FMN1: variants seen among roughly 807,000 people sequenced by gnomAD.
FMN1 encodes the protein formin-1.
Under a neutral mutation model 132.4 loss-of-function variants are expected in FMN1, and 110 were observed. That is an observed-to-expected ratio of 0.83 (90% confidence interval 0.71 to 0.97). The LOEUF is 0.97. Ranked by LOEUF, FMN1 falls within the 50% of genes least tolerant of loss-of-function variation. The probability of loss-of-function intolerance (pLI) is 0.00; values close to 1 mark genes in which losing one functional copy is unlikely to be tolerated. For synonymous variants in FMN1, 722 were observed against 651.7 expected, an observed-to-expected ratio of 1.11 and a Z score of -1.64; for missense variants, 1,792 against 1,705.3, an observed-to-expected ratio of 1.05 and a Z score of -0.90.
chr15:33,150,359 C>T, intron 4 of FMN1: 2 of 985,424 alleles, frequency 2.0e-6, no homozygotes, highest in Non-Finnish European at 2.4e-6. Flanking sequence ...AAATAAAATA[C>T]TATAAAACCA....
intron 7 of FMN1, among the ~76,000 whole-genome samples, chr15:32,995,259 G>GTATGAAATTGCCACAATA (rs2033695584): frequency 6.6e-6 from 1 of 152,128 alleles, no homozygotes; most frequent in African/African-American, 2.4e-5. Context: ...CCAAGATAGT[G>GTATGAAATTGCCACAATA]TATGAAATTG....
chr15:32,936,670 G>A (rs1027242890), intron 9 of FMN1, among the ~76,000 whole-genome samples: 6 of 151,668 alleles, frequency 4.0e-5, no homozygotes, highest in Non-Finnish European at 5.9e-5. Flanking sequence ...AAGAGGAGAA[G>A]GAGGAGGAGA....
chr15:32,986,413 A>C (rs1358885305), intron 7 of FMN1, among the ~76,000 whole-genome samples: 1 of 152,150 alleles, frequency 6.6e-6, no homozygotes, highest in South Asian at 2.1e-4. Context: ...TCATTTTTAC[A>C]AATAGTTTTG....
intron 16 of FMN1, among the ~76,000 whole-genome samples, chr15:32,887,966 T>C (rs1567329981): frequency 6.6e-6 from 1 of 151,726 alleles, no homozygotes; most frequent in Non-Finnish European, 1.5e-5. Flanking sequence ...AAGAAACAAA[T>C]GATCAACACT....
intron 15 of FMN1, among the ~76,000 whole-genome samples, chr15:32,889,709 C>G (rs928777383): frequency 7.0e-6 from 1 of 142,924 alleles, no homozygotes; most frequent in African/African-American, 2.6e-5. Context: ...ACCTCCAGCA[C>G]GTGGGTGTTT....
Position 32,804,304 on chromosome 15 carries a change from A to T in FMN1, c.3957T>A (p.Ser1319Arg). 1.9e-6 allele frequency: 3 copies of T among 1,568,490 alleles called. No individual in the cohort carries two copies. The highest frequency in any genetic ancestry group is 2.6e-6 in the Non-Finnish European group (3 of 1,155,486). The change falls in exon 18 of 21, where the codon AGT (serine) becomes AGA (arginine). Residue 1319 changes from serine (S) to arginine (R), a missense_variant. Ser to Arg is a moderately radical substitution (Grantham distance 110, BLOSUM62 -1). Around this residue, in one of 3 missense-constraint regions of FMN1, gnomAD observed 1,150 missense variants for 1,043.1 expected, o/e 1.10. Transcript: ENST00000616417. ...KAKKEHKMEE[S>R]HLENAQKSFE... ...ACCTTTTCTGTGCATTCTCCAAGTG[A>T]CTTTCTTCCATCTTATGCTCTTTTT...
intron 17 of FMN1, among the ~76,000 whole-genome samples, chr15:32,810,089 G>T (rs55752067): frequency 0.19 from 29,495 of 151,910 alleles, 3,678 homozygotes; most frequent in Admixed American, 0.3. Flanking sequence ...GCTAATTTTT[G>T]TATCTTTAGT....
At chr15:32,984,978 CAAAAAA>C (rs11330959) in intron 7 of FMN1, among the ~76,000 whole-genome samples, 10 of 97,242 alleles carry the variant, frequency 1.0e-4, no homozygotes, top group African/African-American at 1.1e-4. Flanking sequence ...CATCCATCAC[CAAAAAA>C]AAAAAAAAAA....
intron 6 of FMN1, among the ~76,000 whole-genome samples, chr15:33,061,923 T>C (rs1018341960): frequency 6.6e-6 from 1 of 152,118 alleles, no homozygotes; most frequent in Non-Finnish European, 1.5e-5. Context: ...AGAAACCCTT[T>C]AAGAAACGTG....
rs147111035 is a variant in FMN1, at chr15:33,002,737, TAAA to T, written c.2223+5274_2223+5276del. On this transcript the variant is annotated intron_variant, in intron 7 of 20. Coordinates refer to ENST00000616417, the MANE Select transcript of FMN1 (RefSeq NM_001277313.2). ...AGCAGCTAGAAATCCAGGTTTTATA[TAAA>T]AATCTCCATATTTTAAAATATTTAT... Among the ~76,000 whole-genome samples, 802 of 152,280 alleles carry T rather than the reference TAAA, an allele frequency of 5.3e-3. 14 individuals carry two copies. The highest frequency in any genetic ancestry group is 0.019 in the African/African-American group (777 of 41,568).
intron 10 of FMN1, among the ~76,000 whole-genome samples, chr15:32,911,934 T>A (rs1157087510): frequency 6.6e-6 from 1 of 152,118 alleles, no homozygotes; most frequent in African/African-American, 2.4e-5. Flanking sequence ...ATCCACTAAT[T>A]TGTCAGACAC....
intron 10 of FMN1, among the ~76,000 whole-genome samples, chr15:32,911,377 A>G (rs1181848247): frequency 2.6e-5 from 4 of 152,188 alleles, no homozygotes; most frequent in African/African-American, 9.7e-5. Context: ...ACATTGTGAA[A>G]TTAACCAGCA....
chr15:32,883,540 A>AAAG (rs1425920960), intron 16 of FMN1, among the ~76,000 whole-genome samples: 2 of 141,262 alleles, frequency 1.4e-5, no homozygotes, highest in African/African-American at 5.5e-5. Context: ...AAAAAAAAAA[A>AAAG]AAGAATGAGA....
intron 5 of FMN1, among the ~76,000 whole-genome samples, chr15:33,076,924 C>T (rs181730242): frequency 3.3e-5 from 5 of 152,256 alleles, no homozygotes; most frequent in Admixed American, 3.3e-4. Flanking sequence ...ATTCTTTGAT[C>T]CTAATACCCA....
chr15:32,982,697 C>T (rs1475590050), intron 7 of FMN1, among the ~76,000 whole-genome samples: 1 of 152,126 alleles, frequency 6.6e-6, no homozygotes, highest in Non-Finnish European at 1.5e-5. Context: ...AACGAAAAGA[C>T]TGACTCTCCC....
chr15:33,096,751 C>T (rs1179499105), intron 4 of FMN1, among the ~76,000 whole-genome samples: 2 of 152,144 alleles, frequency 1.3e-5, no homozygotes, highest in Admixed American at 1.3e-4. Flanking sequence ...GGACCACATG[C>T]ACCACCATGC....
At chr15:32,984,978 CAAAAA>C (rs11330959) in intron 7 of FMN1, among the ~76,000 whole-genome samples, 2,926 of 97,308 alleles carry the variant, frequency 0.03, 50 homozygotes, top group Non-Finnish European at 0.043. Context: ...CATCCATCAC[CAAAAA>C]AAAAAAAAAA....
At chr15:33,122,885 A>C (rs899727417) in intron 4 of FMN1, among the ~76,000 whole-genome samples, 1 of 152,188 alleles carries the variant, frequency 6.6e-6, no homozygotes, top group Non-Finnish European at 1.5e-5. Flanking sequence ...ATCTTGATAA[A>C]GCAAACCAAC....
intron 13 of FMN1, among the ~76,000 whole-genome samples, chr15:32,901,549 G>A (rs1264444120): frequency 1.3e-5 from 2 of 152,182 alleles, no homozygotes; most frequent in Non-Finnish European, 2.9e-5. Context: ...ATGATCAAAT[G>A]TATGGATCTC....
Sources: allele counts gnomAD v4.1 joint callset (sites outside exome capture counted in the v4.1 genomes callset), GRCh38; gene constraint gnomAD v4.1.1; regional missense constraint gnomAD v4.1.1; transcripts MANE v1.5; gene names NCBI Gene and HGNC (gene_info 2026-07-23, HGNC 2026-07-21).